DBH: variants seen among roughly 807,000 people sequenced by gnomAD.
The protein encoded by DBH is dopamine beta-hydroxylase, also known as dopamine beta-hydroxylase (dopamine beta-monooxygenase).
Under a neutral mutation model 64.0 loss-of-function variants are expected in DBH, and 49 were observed. The ratio of observed to expected loss-of-function variants is 0.77; its 90% CI spans 0.61 to 0.97. The LOEUF is 0.97. Among genes scored for constraint, DBH ranks in the 50% least tolerant of loss-of-function variants. DBH has a pLI of 0.00. For synonymous variants in DBH, 343 were observed against 347.1 expected (o/e 0.99, Z 0.13); for missense variants, 828 against 826.6 (o/e 1.00, Z -0.02).
chr9:133,657,421 A>AGAGGAGG, intron 11 of DBH, 192 bp downstream of exon 11: 1 of 421,576 alleles, frequency 2.4e-6, no homozygotes. Context: ...GAGAGGAGAG[A>AGAGGAGG]GAGGAGAGAG....
At chr9:133,645,647 G>A (rs1247453744) in intron 5 of DBH, among the ~76,000 whole-genome samples, 1 of 152,176 alleles carries the variant, frequency 6.6e-6, no homozygotes, top group Non-Finnish European at 1.5e-5. Flanking sequence ...AGTTTGGATG[G>A]TGTAGGGGTG....
chr9:133,644,746 C>T lies in DBH; in HGVS notation c.1024+426C>T, dbSNP rs78653310. On this transcript the variant is annotated intron_variant, in intron 5 of 11. Coordinates refer to ENST00000393056, the MANE Select transcript of DBH (RefSeq NM_000787.4). ...GGCATATTCCAGGACACAGGCGCTC[C>T]GGCCTGGCCAGAGTGCAGGGACGGG... Among the ~76,000 whole-genome samples the T allele has an allele frequency of 5.7e-3, 869 of 152,258 alleles. 9 individuals are homozygous for T. Among genetic ancestry groups the T allele is most frequent in the African/African-American group, 0.019 (795 of 41,540 alleles).
intron 11 of DBH, 188 bp downstream of exon 11, chr9:133,657,417 A>AGAGAAAG: frequency 5.3e-5 from 2 of 37,466 alleles, no homozygotes; most frequent in East Asian, 4.6e-4. Flanking sequence ...AGGAGAGAGG[A>AGAGAAAG]GAGAGAGGAG....
chr9:133,642,347 A>G lies in DBH; in HGVS notation c.627A>G (p.Ser209=), dbSNP rs777773940. ...ATATCCCCGAACCGGAGTTGCCCTC[A>G]GACGCGTGCACCATGGAGGTCCAAG... ...KPNIPEPELP[S]DACTMEVQAP... Residue 209 remains serine, a synonymous_variant, in exon 3 of 12, where the codon TCA becomes TCG. Coordinates refer to ENST00000393056, the MANE Select transcript of DBH (RefSeq NM_000787.4). The G allele has an allele frequency of 1.2e-6, 2 of 1,614,148 alleles. No homozygotes were observed. Among genetic ancestry groups the G allele is most frequent in the East Asian group, 4.5e-5 (2 of 44,866 alleles).
chr9:133,642,537 T>C, intron 3 of DBH, 73 bp downstream of exon 3: 1 of 1,523,452 alleles, frequency 6.6e-7, no homozygotes. Context: ...TCCCTGACCC[T>C]GGAGAGCTGT....
At chr9:133,639,765 C>G in intron 1 of DBH, 81 bp from the exon 2 acceptor site, 2 of 1,472,990 alleles carry the variant, frequency 1.4e-6, no homozygotes, top group East Asian at 4.8e-5. Flanking sequence ...ATGCGGAGCT[C>G]TGCCGGGGAA....
At position 133,644,268 on chromosome 9, in the gene DBH, C is replaced by T; in HGVS notation, c.972C>T (p.Ser324=). The T allele has an allele frequency of 1.2e-6, 2 of 1,614,206 alleles. No individual in the cohort carries two copies. Among genetic ancestry groups the T allele is most frequent in the Non-Finnish European group, 1.7e-6 (2 of 1,180,026 alleles). Residue 324 remains serine (S), a synonymous_variant, in exon 5 of 12, where the codon TCC becomes TCT. Coordinates refer to ENST00000393056, the MANE Select transcript of DBH (RefSeq NM_000787.4). ...EAGLAFGGPG[S]SRYLRLEVHY... ...GCCTTGCCTTCGGGGGTCCAGGGTC[C>T]TCCAGATATCTCCGCCTGGAAGTTC...
intron 6 of DBH, among the ~76,000 whole-genome samples, chr9:133,650,868 T>TA (rs937063282): frequency 5.7e-4 from 87 of 152,296 alleles, no homozygotes; most frequent in African/African-American, 2.0e-3. Context: ...ATTTTCTATC[T>TA]AAAAAAAGTT....
intron 6 of DBH, among the ~76,000 whole-genome samples, chr9:133,650,214 C>T (rs982655060): frequency 6.6e-6 from 1 of 152,142 alleles, no homozygotes; most frequent in Non-Finnish European, 1.5e-5. Flanking sequence ...ACGGCAAGGT[C>T]AGGGCGGCCG....
At position 133,657,071 on chromosome 9, in the gene DBH, T is replaced by C. The variant is rs747376722; in HGVS notation, c.1564T>C (p.Phe522Leu). Residue 522 changes from phenylalanine to leucine, a missense_variant and splice_region_variant, in exon 11 of 12, where the codon TTC becomes CTC. Phe to Leu is a conservative substitution (Grantham distance 22, BLOSUM62 0). Transcript: ENST00000393056. ...LQKYFHLINR[F>L]NNEDVCTCPQ... ...CTGGCTGTTCCTTGTCCCCACCAGG[T>C]TCAACAACGAGGATGTCTGCACCTG... 2 of 1,613,816 alleles carry C rather than the reference T, an allele frequency of 1.2e-6. No individual in the cohort carries two copies. The highest frequency in any genetic ancestry group is 2.7e-5 in the African/African-American group (2 of 75,030).
intron 1 of DBH, among the ~76,000 whole-genome samples, chr9:133,639,032 A>T (rs1224703327): frequency 1.3e-5 from 2 of 151,958 alleles, no homozygotes; most frequent in African/African-American, 4.8e-5. Flanking sequence ...CCTGGGCCTC[A>T]GTTTACCTTC....
Position 133,651,617 on chromosome 9 carries a change from G to A in DBH, c.1192-17G>A. On this transcript the variant is annotated splice_polypyrimidine_tract_variant and intron_variant, in intron 6 of 11. Coordinates refer to ENST00000393056, the MANE Select transcript of DBH (RefSeq NM_000787.4). The stretch of plus-strand genomic sequence containing the variant: ...TCGGGGGTCAGGCCCTGACACTGCA[G>A]CCCCCCGACCCCACAGGCACTGCCT... 1 of 1,612,880 alleles carries A rather than the reference G, an allele frequency of 6.2e-7. No homozygotes were observed. The highest frequency in any genetic ancestry group is 8.5e-7 in the Non-Finnish European group (1 of 1,179,968).
chr9:133,648,611 T>C (rs541912049), intron 6 of DBH, among the ~76,000 whole-genome samples: 8 of 152,376 alleles, frequency 5.3e-5, no homozygotes, highest in African/African-American at 1.4e-4. Flanking sequence ...AGGGCAGGAC[T>C]AGGTGAGGCA....
In DBH at chr9:133,655,427, G is replaced by A. The variant is rs1055268558; in HGVS notation, c.1435-1096G>A. 13 of 152,398 alleles carry A rather than the reference G, an allele frequency of 8.5e-5. No homozygotes were observed. The East Asian group carries it at 2.1e-3, about 25-fold the overall frequency. 9.4% of individuals were successfully genotyped at this position (152,398 alleles called of 1,614,324 possible). ...AGGAGGGCAATCGTCCCGATCTGAC[G>A]GGGGCGGGATGGATGAGAAAAGCTG... On this transcript the variant is annotated intron_variant, in intron 9 of 11. Coordinates refer to ENST00000393056, the MANE Select transcript of DBH (RefSeq NM_000787.4).
chr9:133,657,432 A>AGAG, intron 11 of DBH: 1 of 362,222 alleles, frequency 2.8e-6, no homozygotes, highest in Non-Finnish European at 5.1e-6. Flanking sequence ...GAGGAGAGAG[A>AGAG]GGAGAGAGAG....
At chr9:133,647,786 A>T in intron 5 of DBH, 60 bp from the exon 6 acceptor site, 1 of 1,603,208 alleles carries the variant, frequency 6.2e-7, no homozygotes, top group Non-Finnish European at 8.5e-7. Context: ...ATCTGTCCGC[A>T]GGGGGAAGTG....
intron 9 of DBH, 56 bp downstream of exon 9, chr9:133,653,055 C>A: frequency 7.3e-7 from 1 of 1,369,894 alleles, no homozygotes; most frequent in Non-Finnish European, 1.0e-6. Flanking sequence ...CAGCCTGAGC[C>A]ATCTGAGGAA....
intron 7 of DBH, among the ~76,000 whole-genome samples, 157 bp downstream of exon 7, chr9:133,651,934 C>G (rs1412159963): frequency 5.4e-5 from 8 of 148,766 alleles, no homozygotes; most frequent in African/African-American, 2.1e-4. Flanking sequence ...CCTGTGCTCC[C>G]CACTTGGGTG....
At chr9:133,642,494 G>A (rs761971117) in intron 3 of DBH, 30 bp downstream of exon 3, 75 of 1,577,782 alleles carry the variant, frequency 4.8e-5, no homozygotes, top group Middle Eastern at 1.7e-4. Flanking sequence ...CGAGGTCCTC[G>A]CCCAGCCCTG....
Sources: allele counts gnomAD v4.1 joint callset (sites outside exome capture counted in the v4.1 genomes callset), GRCh38; gene constraint gnomAD v4.1.1; transcripts MANE v1.5; gene names NCBI Gene and HGNC (gene_info 2026-07-23, HGNC 2026-07-21).